The following FAM120B variants were observed in gnomAD, a reference collection of about 807,000 sequenced individuals.
FAM120B encodes family with sequence similarity 120 member B, also known as constitutive coactivator of peroxisome proliferator-activated receptor gamma.
Under a neutral mutation model 96.3 loss-of-function variants are expected in FAM120B, and 83 were observed. That is an observed-to-expected ratio of 0.86 (90% CI 0.72 to 1.03). The LOEUF (loss-of-function observed/expected upper bound fraction) is 1.03. Among genes scored for constraint, FAM120B ranks in the 50% least tolerant of loss-of-function variants. The pLI is 0.00. For missense variants in FAM120B, 1,027 were observed against 1,121.2 expected, an observed-to-expected ratio of 0.92 and a Z score of 1.20; for synonymous variants, 407 against 402.7, an observed-to-expected ratio of 1.01 and a Z score of -0.13.
chr6:170,348,407 G>A, intron 5 of FAM120B, 84 bp downstream of exon 5: 4 of 1,243,892 alleles, frequency 3.2e-6, no homozygotes, highest in East Asian at 2.3e-5. Context: ...CATGGCTGGT[G>A]TCCCGGATTG....
chr6:170,378,125 CTG>C (rs1185322750), intron 6 of FAM120B, among the ~76,000 whole-genome samples: 1 of 152,220 alleles, frequency 6.6e-6, no homozygotes. Flanking sequence ...TCATTTCTGT[CTG>C]TGGAATTTTC....
chr6:170,329,320 G>A (rs1785837596), intron 3 of FAM120B, among the ~76,000 whole-genome samples: 1 of 152,230 alleles, frequency 6.6e-6, no homozygotes, highest in Non-Finnish European at 1.5e-5. Flanking sequence ...TGGCGTGATA[G>A]AGAGTTGTTT....
At chr6:170,322,205 A>G (rs934442015) in intron 2 of FAM120B, among the ~76,000 whole-genome samples, 3 of 152,272 alleles carry the variant, frequency 2.0e-5, no homozygotes, top group African/African-American at 7.2e-5. Context: ...TGCCTGGCAC[A>G]TGGTTTTTCA....
chr6:170,325,913 G>A (rs1312654263), intron 3 of FAM120B, among the ~76,000 whole-genome samples: 1 of 151,004 alleles, frequency 6.6e-6, no homozygotes, highest in Non-Finnish European at 1.5e-5. Flanking sequence ...AAATAATTGC[G>A]GTTTTTGCAA....
intron 6 of FAM120B, among the ~76,000 whole-genome samples, chr6:170,369,035 G>A (rs761737184): frequency 4.6e-5 from 7 of 151,420 alleles, no homozygotes; most frequent in East Asian, 1.9e-4. Flanking sequence ...TTGGAAGGAC[G>A]TATTTGCCCG....
intron 3 of FAM120B, among the ~76,000 whole-genome samples, chr6:170,328,482 G>T (rs952862646): frequency 6.6e-6 from 1 of 152,104 alleles, no homozygotes; most frequent in Non-Finnish European, 1.5e-5. Context: ...TTTTCTCCTG[G>T]CATGTGTAGT....
rs1285869792 is a variant in FAM120B at position 170,295,497 on chromosome 6, A to T, written c.48+44A>T. The T allele has an allele frequency of 2.9e-6, 2 of 692,992 alleles. No individual in the cohort carries two copies. Among genetic ancestry groups the T allele is most frequent in the Non-Finnish European group, 5.3e-6 (2 of 380,450 alleles). 42.9% of individuals were successfully genotyped at this position (692,992 alleles called of 1,614,324 possible). On this transcript the variant is annotated intron_variant, in intron 1 of 10. Transcript: ENST00000537664. This position sits in a 1 kb window ranked among gnomAD's most constrained non-coding sequence, Gnocchi z 7.8. Reference sequence around the variant, plus strand: ...CACACAAGGCGCGCGGCCCCCAGGCAGCCGCGCTTCCACAGCGGGCAGGAG... The same window carrying T: ...CACACAAGGCGCGCGGCCCCCAGGCTGCCGCGCTTCCACAGCGGGCAGGAG...
chr6:170,356,217 C>A (rs1787942722), intron 5 of FAM120B, among the ~76,000 whole-genome samples: 1 of 152,114 alleles, frequency 6.6e-6, no homozygotes, highest in African/African-American at 2.4e-5. Flanking sequence ...TTAATAAAGA[C>A]CTTTTAAGTA....
intron 6 of FAM120B, among the ~76,000 whole-genome samples, chr6:170,377,334 G>T (rs1312175022): frequency 7.5e-6 from 1 of 133,958 alleles, no homozygotes; most frequent in African/African-American, 2.9e-5. Context: ...CACGCTGCTC[G>T]GTGCTGTGCA....
At chr6:170,339,367 T>A (rs1332531123) in intron 4 of FAM120B, among the ~76,000 whole-genome samples, 2 of 152,108 alleles carry the variant, frequency 1.3e-5, no homozygotes, top group Non-Finnish European at 2.9e-5. Context: ...TTGCCATTTT[T>A]CCAGTTCCAA....
At chr6:170,396,021 A>G (rs9459998) in intron 9 of FAM120B, among the ~76,000 whole-genome samples, 18,787 of 152,234 alleles carry the variant, frequency 0.12, 1,314 homozygotes, top group African/African-American at 0.19. Context: ...TGTTTTTTAC[A>G]TATGTTGTAC....
rs769944678 is a variant in FAM120B at position 170,323,064 on chromosome 6, T to G, written c.1735-15T>G. ...TTTTTAAGGAGAAATTCAGTTGTAT[T>G]TAAATTTCAAACAGGTTGCTAGAAC... is the stretch of plus-strand genomic sequence containing the variant. On this transcript the variant is annotated splice_polypyrimidine_tract_variant and intron_variant, in intron 2 of 10. Coordinates refer to ENST00000476287, the MANE Select transcript of FAM120B (RefSeq NM_032448.3). 1.3e-6 allele frequency: 2 copies of G among 1,590,516 alleles called. No homozygotes were observed. The highest frequency in any genetic ancestry group is 1.7e-6 in the Non-Finnish European group (2 of 1,168,844).
intron 4 of FAM120B, among the ~76,000 whole-genome samples, chr6:170,340,874 G>A (rs946517105): frequency 6.6e-6 from 1 of 152,176 alleles, no homozygotes; most frequent in African/African-American, 2.4e-5. Flanking sequence ...CTCCTAAAGG[G>A]GCACTGACCA....
intron 5 of FAM120B, among the ~76,000 whole-genome samples, chr6:170,349,253 C>G (rs1353939601): frequency 6.6e-6 from 1 of 152,216 alleles, no homozygotes; most frequent in Non-Finnish European, 1.5e-5. Flanking sequence ...TTTCTTCACT[C>G]CTTCAAGCCA....
intron 4 of FAM120B, among the ~76,000 whole-genome samples, chr6:170,336,028 C>T (rs1786398562): frequency 6.6e-6 from 1 of 152,146 alleles, no homozygotes; most frequent in African/African-American, 2.4e-5. Flanking sequence ...GTTTCTTTTG[C>T]AGTGCAGAAG....
Position 170,370,407 on chromosome 6 carries a change from A to T in FAM120B, c.2283+12089A>T, listed in dbSNP as rs1789110038. Among the ~76,000 whole-genome samples the T allele has an allele frequency of 6.6e-6, 1 of 152,160 alleles. No individual in the cohort carries two copies. Among genetic ancestry groups the T allele is most frequent in the African/African-American group, 2.4e-5 (1 of 41,414 alleles). The stretch of plus-strand genomic sequence containing the variant: ...TCCATCACCCTTCCTCTGGGGGGTG[A>T]GGCAGAGGACCCTGTTTCTGTAGGG... On this transcript the variant is annotated intron_variant, in intron 6 of 10. Transcript: ENST00000476287. This position sits in a 1 kb window ranked among gnomAD's most constrained non-coding sequence, Gnocchi z 4.3.
Position 170,295,332 on chromosome 6 carries a change from G to A in FAM120B, c.-74G>A. On this transcript the variant is annotated 5_prime_UTR_variant, in exon 1 of 11. Transcript: ENST00000537664. The surrounding 1 kb of genome is among the most constrained non-coding windows in gnomAD (Gnocchi z 7.8). Reference sequence around the variant, plus strand: ...ACAGATGTGTTCACACTCGGTTGCCGCGCGTGGACTTACAAGCCCACGAAG... The same window carrying A: ...ACAGATGTGTTCACACTCGGTTGCCACGCGTGGACTTACAAGCCCACGAAG... The A allele has an allele frequency of 2.9e-6, 2 of 696,106 alleles. No homozygotes were observed. Among genetic ancestry groups the A allele is most frequent in the Non-Finnish European group, 5.2e-6 (2 of 381,844 alleles). The allele number at this position is 696,106 out of a possible 1,614,324, so 43.1% of individuals were successfully genotyped here. A position where few individuals can be genotyped will look rare whatever the true frequency, so the allele number is the denominator to read the frequency against.
rs761078322 is a variant in FAM120B at position 170,318,541 on chromosome 6, A to C, written c.1151A>C (p.Glu384Ala). 3 of 1,471,794 alleles carry C rather than the reference A, an allele frequency of 2.0e-6. No homozygotes were observed. The highest frequency in any genetic ancestry group is 2.8e-5 in the South Asian group (2 of 72,420). The allele number at this position is 1,471,794 out of a possible 1,614,324, so 91.2% of individuals were successfully genotyped here. A position where few individuals can be genotyped will look rare whatever the true frequency, so the allele number is the denominator to read the frequency against. ...GAAGTTCCCATGTGTTCAGACCCTGAACCCAGGCAAGAAGTTCCCACGTGT... is the reference window on the plus strand; with the variant it reads ...GAAGTTCCCATGTGTTCAGACCCTGCACCCAGGCAAGAAGTTCCCACGTGT... ...RQEVPMCSDP[E>A]PRQEVPTCTG... The change falls in exon 2 of 11, where the codon GAA (glutamate) becomes GCA (alanine). Residue 384 changes from glutamate (E) to alanine (A), a missense_variant. Coordinates refer to ENST00000476287, the MANE Select transcript of FAM120B (RefSeq NM_032448.3).
intron 4 of FAM120B, among the ~76,000 whole-genome samples, chr6:170,347,535 TTC>T: frequency 6.6e-6 from 1 of 152,360 alleles, no homozygotes; most frequent in African/African-American, 2.4e-5. Flanking sequence ...TTTTAGGAAT[TTC>T]TGTGTATTTA....
Sources: gnomAD v4.1 joint callset for allele counts (sites outside exome capture counted in the v4.1 genomes callset) on GRCh38, gnomAD v4.1.1 for gene constraint, Gnocchi (gnomAD v3.1) non-coding constraint, MANE v1.5 for transcripts, NCBI Gene and HGNC (gene_info 2026-07-23, HGNC 2026-07-21) for gene names.